Variants in CETN3 observed in about 807,000 individuals in gnomAD.
CETN3 encodes centrin-3.
CETN3 carries 17 observed loss-of-function variants against 20.1 expected under a neutral mutation model. The ratio of observed to expected loss-of-function variants is 0.85; its 90% CI spans 0.58 to 1.27. CETN3 has a LOEUF of 1.27. Ranked by LOEUF, CETN3 falls within the 50% of genes most tolerant of loss-of-function variation. CETN3 has a pLI of 0.00. For synonymous variants in CETN3, 52 were observed against 59.7 expected (o/e 0.87, Z 0.59); for missense variants, 169 against 191.2 (o/e 0.88, Z 0.69).
intron 3 of CETN3, among the ~76,000 whole-genome samples, chr5:90,402,556 A>G (rs1393762771): frequency 6.6e-6 from 1 of 152,196 alleles, no homozygotes; most frequent in Admixed American, 6.5e-5. Context: ...AAAGGCCTAA[A>G]TTTAAAATCT....
intron 3 of CETN3, among the ~76,000 whole-genome samples, chr5:90,403,488 G>A (rs1217839189): frequency 6.6e-6 from 1 of 152,164 alleles, no homozygotes; most frequent in Non-Finnish European, 1.5e-5. Context: ...AAGGAACCCA[G>A]TATTTCTGCT....
At chr5:90,396,314 T>C in intron 4 of CETN3, 2 of 985,180 alleles carry the variant, frequency 2.0e-6, no homozygotes, top group Non-Finnish European at 2.4e-6. Context: ...AAGAACGTAA[T>C]ACAAAATCTG....
In CETN3 at chr5:90,407,693, C is replaced by A; in HGVS notation, c.153+6G>T. ...CAGAAACAAATATTTTAAAGTATAC[C>A]ATTACCTTTAATTCATGATAATCTA... On this transcript the variant is annotated splice_donor_region_variant and intron_variant, in intron 2 of 4. Coordinates refer to ENST00000283122, the MANE Select transcript of CETN3 (RefSeq NM_004365.4). The A allele has an allele frequency of 1.3e-6, 2 of 1,482,778 alleles. No individual in the cohort carries two copies. The highest frequency in any genetic ancestry group is 1.4e-5 in the South Asian group (1 of 73,348). The allele number at this position is 1,482,778 out of a possible 1,614,324, so 91.9% of individuals were successfully genotyped here.
At chr5:90,401,677 T>C (rs1213110421) in intron 3 of CETN3, among the ~76,000 whole-genome samples, 1 of 152,162 alleles carries the variant, frequency 6.6e-6, no homozygotes, top group Non-Finnish European at 1.5e-5. Flanking sequence ...GTTAGACATG[T>C]TGGACTCCAA....
At chr5:90,396,025 A>C (rs1409994632) in intron 4 of CETN3, 1 of 894,140 alleles carries the variant, frequency 1.1e-6, no homozygotes, top group Non-Finnish European at 1.3e-6. Context: ...GTTGAAAAAA[A>C]ATCCTTCACA....
chr5:90,395,571 C>T (rs1268250199), intron 4 of CETN3, among the ~76,000 whole-genome samples: 1 of 152,068 alleles, frequency 6.6e-6, no homozygotes, highest in Non-Finnish European at 1.5e-5. Context: ...TGGGCTCAAG[C>T]AATCCACCTG....
chr5:90,396,532 A>G, intron 4 of CETN3: 1 of 1,533,926 alleles, frequency 6.5e-7, no homozygotes. Context: ...AGGCATCTAG[A>G]CCAAATAGGA....
intron 3 of CETN3, among the ~76,000 whole-genome samples, chr5:90,402,461 C>T (rs1749318212): frequency 6.6e-6 from 1 of 152,200 alleles, no homozygotes; most frequent in Non-Finnish European, 1.5e-5. Context: ...TAGTACCATT[C>T]TTTGTTGTTG....
intron 4 of CETN3, chr5:90,396,290 A>G (rs1257586864): frequency 8.1e-6 from 8 of 985,096 alleles, no homozygotes; most frequent in Non-Finnish European, 9.6e-6. Context: ...ACAAAACACT[A>G]TGACAAACAT....
chr5:90,396,776 T>G (rs1749146255), intron 4 of CETN3, among the ~76,000 whole-genome samples: 1 of 152,130 alleles, frequency 6.6e-6, no homozygotes, highest in Non-Finnish European at 1.5e-5. Flanking sequence ...AAACACTTAA[T>G]TTTTATATTG....
intron 3 of CETN3, among the ~76,000 whole-genome samples, chr5:90,402,424 C>A (rs1749317037): frequency 6.6e-6 from 1 of 152,190 alleles, no homozygotes; most frequent in Non-Finnish European, 1.5e-5. Context: ...CAGAACACTA[C>A]CTAGTTTCCC....
chr5:90,402,651 T>C (rs1749322884), intron 3 of CETN3, among the ~76,000 whole-genome samples: 1 of 152,198 alleles, frequency 6.6e-6, no homozygotes. Context: ...TTAGGCTTTG[T>C]AGAGGGCCAT....
chr5:90,403,385 TA>T (rs1434704551), intron 3 of CETN3, among the ~76,000 whole-genome samples: 1 of 152,246 alleles, frequency 6.6e-6, no homozygotes, highest in Non-Finnish European at 1.5e-5. Context: ...TCTCCATAGG[TA>T]GCCTTAAGAT....
intron 3 of CETN3, among the ~76,000 whole-genome samples, chr5:90,403,736 T>C (rs968437656): frequency 6.7e-6 from 1 of 149,488 alleles, no homozygotes. Flanking sequence ...CCGGGCGTAG[T>C]GGCGGGCGCC....
At position 90,405,757 on chromosome 5, in the gene CETN3, C is replaced by T. The variant is rs1749422001; in HGVS notation, c.196G>A (p.Val66Ile). The T allele has an allele frequency of 4.3e-6, 7 of 1,612,312 alleles. No individual in the cohort carries two copies. Among genetic ancestry groups the T allele is most frequent in the Non-Finnish European group, 5.1e-6 (6 of 1,179,332 alleles). ...TCATAATCTTTAAGAATCTTCAGTA[C>T]ATCAGCTTTTTTTACATCAAACCCC... Reference protein sequence around the residue: ...ALGFDVKKADVLKILKDYDRE... With the variant: ...ALGFDVKKADILKILKDYDRE... The change falls in exon 3 of 5, where the codon GTA becomes ATA. Residue 66 changes from valine (V) to isoleucine (I), a missense_variant. Coordinates refer to ENST00000283122, the MANE Select transcript of CETN3 (RefSeq NM_004365.4).
At chr5:90,405,294 C>G (rs1015594335) in intron 3 of CETN3, 3 of 192,950 alleles carry the variant, frequency 1.6e-5, no homozygotes, top group Non-Finnish European at 3.1e-5. Flanking sequence ...AAATCACATA[C>G]CAGAAAGGTC....
intron 3 of CETN3, among the ~76,000 whole-genome samples, chr5:90,404,713 G>A (rs757041447): frequency 1.4e-4 from 22 of 151,796 alleles, no homozygotes; most frequent in Middle Eastern, 3.4e-3. Context: ...TTTTCTCTGC[G>A]TCTACTAATT....
chr5:90,399,170 T>C (rs564341630), intron 4 of CETN3, 188 bp downstream of exon 4: 104 of 616,516 alleles, frequency 1.7e-4, no homozygotes, highest in Non-Finnish European at 2.5e-4. Flanking sequence ...AAGGACCTTC[T>C]TGAAGTATAA....
rs1193832000 is a variant in CETN3, at chr5:90,399,360, T to C, written c.458A>G (p.Glu153Gly). 6.2e-7 allele frequency: 1 copy of C among 1,613,862 alleles called. No homozygotes were observed. The highest frequency in any genetic ancestry group is 1.1e-5 in the South Asian group (1 of 91,074). Residue 153 changes from glutamate (E) to glycine (G), a missense_variant and splice_region_variant, in exon 4 of 5, where the codon GAA becomes GGA. Coordinates refer to ENST00000283122, the MANE Select transcript of CETN3 (RefSeq NM_004365.4). ...IEEFDKDGDG[E>G]INQEEFIAIM... is the part of the protein sequence containing the mutation. ...AATACGTTTCACTTAAAACTTACTTTCTCCATCACCATCTTTGTCAAATTC... is the reference window on the plus strand; with the variant it reads ...AATACGTTTCACTTAAAACTTACTTCCTCCATCACCATCTTTGTCAAATTC...
Sources: gnomAD v4.1 joint callset for allele counts (sites outside exome capture counted in the v4.1 genomes callset) on GRCh38, gnomAD v4.1.1 for gene constraint, MANE v1.5 for transcripts, NCBI Gene and HGNC (gene_info 2026-07-23, HGNC 2026-07-21) for gene names.